SRGAP2C: variants seen among roughly 807,000 people sequenced by gnomAD.
SRGAP2C encodes SLIT-ROBO Rho GTPase-activating protein 2C.
Under a neutral mutation model 25.1 loss-of-function variants are expected in SRGAP2C, and 15 were observed. The observed-to-expected ratio is 0.60, with a 90% CI of 0.40 to 0.92. SRGAP2C has a LOEUF of 0.92. Among genes scored for constraint, SRGAP2C ranks in the 40% least tolerant of loss-of-function variants. The pLI, the probability that SRGAP2C is intolerant of heterozygous loss-of-function variation, is 0.00. For missense variants in SRGAP2C, 144 were observed against 264.4 expected (o/e 0.54, Z 3.16); for synonymous variants, 44 against 96.6 (o/e 0.46, Z 3.19).
At chr1:121,204,156 C>A (rs1553322194) in intron 2 of SRGAP2C, among the ~76,000 whole-genome samples, 2 of 132,172 alleles carry the variant, frequency 1.5e-5, no homozygotes, top group African/African-American at 3.1e-5. Flanking sequence ...GATCCTGTCT[C>A]CAAAAAAAAA....
At chr1:121,314,441 C>T (rs1658046938) in intron 3 of SRGAP2C, among the ~76,000 whole-genome samples, 2 of 152,220 alleles carry the variant, frequency 1.3e-5, no homozygotes. Flanking sequence ...AAATCATTCT[C>T]CATCCATCTT....
chr1:121,324,045 G>A (rs1658267838), intron 3 of SRGAP2C, among the ~76,000 whole-genome samples: 1 of 152,180 alleles, frequency 6.6e-6, no homozygotes, highest in East Asian at 1.9e-4. Flanking sequence ...AGTCCCTGGT[G>A]CCCTCTTACT....
chr1:121,315,065 C>T (rs1553340450), intron 3 of SRGAP2C: 12 of 905,190 alleles, frequency 1.3e-5, no homozygotes, highest in South Asian at 5.5e-5. Flanking sequence ...TGTTGCTCCC[C>T]GAGGGTGAGG....
intron 2 of SRGAP2C, among the ~76,000 whole-genome samples, chr1:121,259,444 C>T (rs1164863185): frequency 1.6e-5 from 2 of 125,242 alleles, no homozygotes; most frequent in African/African-American, 6.2e-5. Context: ...CATGCCACTG[C>T]ACTCCAGCCT....
intron 4 of SRGAP2C, among the ~76,000 whole-genome samples, chr1:121,364,901 C>T (rs1459666861): frequency 6.0e-5 from 1 of 16,604 alleles, no homozygotes; most frequent in Non-Finnish European, 1.1e-4. Context: ...ATACTTTTTC[C>T]TATTTCATCC....
chr1:121,206,535 T>C lies in SRGAP2C; in HGVS notation c.67+19022T>C, dbSNP rs587603668. ...AAGTCATTTCAGAGGGACTCCCTGGTTGCTCTGAGTTGCCTGGCTGGGGGC... is the reference window on the plus strand; with the variant it reads ...AAGTCATTTCAGAGGGACTCCCTGGCTGCTCTGAGTTGCCTGGCTGGGGGC... On this transcript the variant is annotated intron_variant, in intron 2 of 9. Transcript: ENST00000367123. Among the ~76,000 whole-genome samples the C allele has an allele frequency of 2.1e-3, 312 of 151,666 alleles. 1 individual carries two copies. The highest frequency in any genetic ancestry group is 7.2e-3 in the African/African-American group (299 of 41,310).
chr1:121,206,201 C>T (rs1317717894), intron 2 of SRGAP2C, among the ~76,000 whole-genome samples: 43 of 152,020 alleles, frequency 2.8e-4, no homozygotes, highest in Admixed American at 2.6e-3. Context: ...CCCCCACCCC[C>T]ATGCTCCTTC....
At chr1:121,315,200 C>G (rs1368069656) in intron 3 of SRGAP2C, 2 of 409,280 alleles carry the variant, frequency 4.9e-6, no homozygotes, top group East Asian at 4.8e-5. Flanking sequence ...TGGTCATTTA[C>G]AGGCACAATC....
chr1:121,217,777 G>T (rs1655428483), intron 2 of SRGAP2C, among the ~76,000 whole-genome samples: 1 of 152,338 alleles, frequency 6.6e-6, no homozygotes, highest in South Asian at 2.1e-4. Flanking sequence ...ATGTGGTATA[G>T]AAGTCCAGCA....
chr1:121,261,094 A>ATTTTTTT (rs1211026484), intron 2 of SRGAP2C, among the ~76,000 whole-genome samples: 336 of 26,284 alleles, frequency 0.013, 24 homozygotes, highest in East Asian at 0.033. Flanking sequence ...ACACCTGGCT[A>ATTTTTTT]TTTTTTTTTT....
At chr1:121,308,407 T>A (rs1312380882) in intron 3 of SRGAP2C, among the ~76,000 whole-genome samples, 1 of 151,830 alleles carries the variant, frequency 6.6e-6, no homozygotes, top group Middle Eastern at 3.4e-3. Context: ...GTTTAAAGTC[T>A]CAGCTACATT....
chr1:121,278,097 C>A (rs1160650937), intron 2 of SRGAP2C, among the ~76,000 whole-genome samples: 3 of 151,418 alleles, frequency 2.0e-5, no homozygotes, highest in African/African-American at 7.3e-5. Context: ...TGCACCACCT[C>A]CCCCCGCCAG....
rs1657326675 is a variant in SRGAP2C, at chr1:121,284,968, C to T, written c.233C>T (p.Thr78Ile). ...CTGGCAGAACACTTCCTGGCCAAGA[C>T]ACGCAGCACCAAGGACCAGCAATTC... ...EKLAEHFLAK[T>I]RSTKDQQFKK... is the part of the protein sequence containing the mutation. Residue 78 changes from threonine to isoleucine, a missense_variant, in exon 3 of 10, where the codon ACA becomes ATA. Transcript: ENST00000367123. 3.2e-6 allele frequency: 5 copies of T among 1,543,444 alleles called. 1 individual carries two copies. Among genetic ancestry groups the T allele is most frequent in the Admixed American group, 2.0e-5 (1 of 49,986 alleles).
chr1:121,389,175 C>G lies in SRGAP2C; in HGVS notation c.*1320C>G, dbSNP rs12083751. ...ATATTTATGAGTAAAATATTAAAAC[C>G]TATACAAAAAAATAACAGAATGGCA... is the stretch of plus-strand genomic sequence containing the variant. On this transcript the variant is annotated 3_prime_UTR_variant, in exon 10 of 10. Transcript: ENST00000367123. The G allele has an allele frequency of 2.0e-5, 3 of 151,902 alleles. No individual in the cohort carries two copies. The highest frequency in any genetic ancestry group is 7.3e-5 in the African/African-American group (3 of 41,342). The allele number at this position is 151,902 out of a possible 1,614,324, so 9.4% of individuals were successfully genotyped here. A position where few individuals can be genotyped will look rare whatever the true frequency, so the allele number is the denominator to read the frequency against.
intron 2 of SRGAP2C, among the ~76,000 whole-genome samples, chr1:121,236,624 C>T (rs1570727381): frequency 6.6e-6 from 1 of 152,098 alleles, no homozygotes; most frequent in South Asian, 2.1e-4. Flanking sequence ...ATTTACTCTG[C>T]TGCTTCCTGG....
chr1:121,385,156 C>T (rs1659931822), intron 8 of SRGAP2C, among the ~76,000 whole-genome samples: 1 of 145,082 alleles, frequency 6.9e-6, no homozygotes. Flanking sequence ...TGAACTAGGG[C>T]CAAAGATTGG....
intron 2 of SRGAP2C, among the ~76,000 whole-genome samples, chr1:121,236,030 G>A (rs587733965): frequency 6.0e-5 from 8 of 134,028 alleles, no homozygotes; most frequent in African/African-American, 2.0e-4. Context: ...GCCTTTTGAC[G>A]TGATCCTGTT....
intron 4 of SRGAP2C, among the ~76,000 whole-genome samples, chr1:121,350,565 A>C (rs1658874707): frequency 6.6e-6 from 1 of 152,080 alleles, no homozygotes; most frequent in Admixed American, 6.5e-5. Flanking sequence ...AAATTATAAA[A>C]ACAAACCTGG....
intron 3 of SRGAP2C, among the ~76,000 whole-genome samples, chr1:121,310,416 C>T (rs1489835554): frequency 2.2e-5 from 3 of 139,328 alleles, no homozygotes; most frequent in Non-Finnish European, 4.6e-5. Flanking sequence ...TGTGCAGAAG[C>T]TCTTTAGTTT....
Sources: gnomAD v4.1 joint callset for allele counts (sites outside exome capture counted in the v4.1 genomes callset) on GRCh38, gnomAD v4.1.1 for gene constraint, MANE v1.5 for transcripts, NCBI Gene and HGNC (gene_info 2026-07-23, HGNC 2026-07-21) for gene names.